SNTB2: variants seen among roughly 807,000 people sequenced by gnomAD.
The protein encoded by SNTB2 is syntrophin beta 2, also known as beta-2-syntrophin.
Under a neutral mutation model 46.2 loss-of-function variants are expected in SNTB2, and 34 were observed. That is an observed-to-expected ratio of 0.74 (90% CI 0.56 to 0.98). The LOEUF (loss-of-function observed/expected upper bound fraction) is 0.98, where lower values mean the gene tolerates loss of function less well. Among genes scored for constraint, SNTB2 ranks in the 50% least tolerant of loss-of-function variants. The pLI is 0.00. For synonymous variants in SNTB2, 290 were observed against 312.6 expected (o/e 0.93, Z 0.76); for missense variants, 603 against 731.4 (o/e 0.82, Z 2.02).
At chr16:69,218,294 ATTAAC>A (rs1389658814) in intron 1 of SNTB2, among the ~76,000 whole-genome samples, 2 of 152,212 alleles carry the variant, frequency 1.3e-5, no homozygotes, top group Non-Finnish European at 2.9e-5. Flanking sequence ...GCTCTATAGT[ATTAAC>A]TTAATATTAC....
intron 2 of SNTB2, among the ~76,000 whole-genome samples, chr16:69,247,757 A>T (rs1464434064): frequency 6.6e-6 from 1 of 152,192 alleles, no homozygotes; most frequent in African/African-American, 2.4e-5. Flanking sequence ...ATGAGATAGT[A>T]CCTATAAAGG....
chr16:69,245,905 T>C (rs1964666494), intron 2 of SNTB2, 90 bp downstream of exon 2: 2 of 1,303,184 alleles, frequency 1.5e-6, no homozygotes, highest in South Asian at 2.5e-5. Flanking sequence ...AACTCAGTTA[T>C]ACAGAGGAAA....
At chr16:69,229,102 G>A (rs1018071331) in intron 1 of SNTB2, among the ~76,000 whole-genome samples, 7 of 152,104 alleles carry the variant, frequency 4.6e-5, no homozygotes, top group Admixed American at 2.6e-4. Flanking sequence ...CTCCCCCGAC[G>A]TTGTATTGTT....
At chr16:69,267,705 G>A (rs974104248) in intron 3 of SNTB2, among the ~76,000 whole-genome samples, 3 of 152,198 alleles carry the variant, frequency 2.0e-5, no homozygotes, top group South Asian at 2.1e-4. Context: ...GATCTAGCTC[G>A]TGGCCTTGGC....
Position 69,301,027 on chromosome 16 carries a change from G to C in SNTB2, c.*103G>C. The C allele has an allele frequency of 1.4e-6, 1 of 697,656 alleles. No homozygotes were observed. The highest frequency in any genetic ancestry group is 2.5e-6 in the Non-Finnish European group (1 of 402,890). 43.2% of individuals were successfully genotyped at this position (697,656 alleles called of 1,614,324 possible). On this transcript the variant is annotated 3_prime_UTR_variant, in exon 7 of 7. Coordinates refer to ENST00000336278, the MANE Select transcript of SNTB2 (RefSeq NM_006750.4). ...ACTCTTTGCTCTCCTTCAGCACAGT[G>C]CCTTCCCAAGGACCTGCAAATAACT...
chr16:69,251,932 A>G (rs1282523025), intron 2 of SNTB2, among the ~76,000 whole-genome samples: 2 of 152,232 alleles, frequency 1.3e-5, no homozygotes, highest in Admixed American at 1.3e-4. Flanking sequence ...CTAAAAATAA[A>G]ACAATAAAAT....
At chr16:69,234,077 A>G (rs1389144528) in intron 1 of SNTB2, among the ~76,000 whole-genome samples, 1 of 152,170 alleles carries the variant, frequency 6.6e-6, no homozygotes. Context: ...TGCGCCTATA[A>G]TCCCAGCACT....
In SNTB2 at chr16:69,306,257, GTC is replaced by G. The variant is rs905750449; in HGVS notation, c.*5339_*5340del. On this transcript the variant is annotated 3_prime_UTR_variant, in exon 7 of 7. Coordinates refer to ENST00000336278, the MANE Select transcript of SNTB2 (RefSeq NM_006750.4). ...TTTGGTTTTGGTTTTGTTTTTTTTT[GTC>G]TCTCTGACTAGCTAAACTGCCAACT... The G allele has an allele frequency of 4.0e-5, 6 of 150,794 alleles. No homozygotes were observed. Among genetic ancestry groups the G allele is most frequent in the Non-Finnish European group, 5.9e-5 (4 of 67,738 alleles). 9.3% of individuals were successfully genotyped at this position (150,794 alleles called of 1,614,324 possible). A position where few individuals can be genotyped will look rare whatever the true frequency, so the allele number is the denominator to read the frequency against.
chr16:69,195,925 C>A (rs1376046777), intron 1 of SNTB2, among the ~76,000 whole-genome samples: 1 of 152,124 alleles, frequency 6.6e-6, no homozygotes, highest in African/African-American at 2.4e-5. Context: ...AACTTATGTA[C>A]ACTATAACAG....
intron 1 of SNTB2, among the ~76,000 whole-genome samples, chr16:69,202,732 C>T (rs371541750): frequency 2.6e-4 from 40 of 152,224 alleles, no homozygotes; most frequent in African/African-American, 9.4e-4. Flanking sequence ...TGTGCCACCA[C>T]GCCTGGCTAA....
intron 1 of SNTB2, among the ~76,000 whole-genome samples, chr16:69,201,461 G>A (rs751485311): frequency 2.0e-5 from 3 of 152,116 alleles, no homozygotes; most frequent in Non-Finnish European, 2.9e-5. Context: ...TTAGGGAGGC[G>A]GGGACATAAA....
intron 1 of SNTB2, among the ~76,000 whole-genome samples, chr16:69,197,812 C>CA (rs1392684115): frequency 6.6e-6 from 1 of 152,090 alleles, no homozygotes; most frequent in Non-Finnish European, 1.5e-5. Flanking sequence ...GTTTTCATTG[C>CA]AGTAAGGGAT....
Position 69,260,100 on chromosome 16 carries a change from G to A in SNTB2, c.845G>A (p.Cys282Tyr), listed in dbSNP as rs146659689. 8.1e-6 allele frequency: 13 copies of A among 1,613,716 alleles called. No individual in the cohort carries two copies. The highest frequency in any genetic ancestry group is 1.1e-5 in the Non-Finnish European group (13 of 1,179,982). Residue 282 changes from cysteine to tyrosine, a missense_variant, in exon 3 of 7, where the codon TGC (cysteine) becomes TAC (tyrosine). By Grantham distance (194) the Cys-to-Tyr change is radical (BLOSUM62 -2). This residue lies in a region of SNTB2 where 537 missense variants were observed against 692.4 expected (regional missense o/e 0.78). Coordinates refer to ENST00000336278, the MANE Select transcript of SNTB2 (RefSeq NM_006750.4). ...PDSRNTLILR[C>Y]KDTATAHSWF... is the part of the protein sequence containing the mutation. ...AGCAGGAACACGTTGATCCTACGCTGCAAAGATACAGCCACAGCACACTCC... is the reference window on the plus strand; with the variant it reads ...AGCAGGAACACGTTGATCCTACGCTACAAAGATACAGCCACAGCACACTCC...
intron 1 of SNTB2, among the ~76,000 whole-genome samples, chr16:69,208,881 T>C (rs1306085101): frequency 6.6e-6 from 1 of 151,956 alleles, no homozygotes; most frequent in Non-Finnish European, 1.5e-5. Flanking sequence ...GAAATATACA[T>C]ATTTCCTTCT....
At position 69,187,201 on chromosome 16, in the gene SNTB2, CG is replaced by C; in HGVS notation, c.39del (p.Pro14ArgfsTer19). The stretch of plus-strand genomic sequence containing the variant: ...GCTGCGGCGACTGCGGCGGCTGGAG[CG>C]GGGCCGGCCATGGCGGTGTGGACGC... ...RVAAATAAAG[A>X]GPAMAVWTRA... On this transcript the variant is annotated frameshift_variant, in exon 1 of 7. Coordinates refer to ENST00000336278, the MANE Select transcript of SNTB2 (RefSeq NM_006750.4). LOFTEE classifies it high-confidence loss of function. 2 of 1,396,938 alleles carry C rather than the reference CG, an allele frequency of 1.4e-6. No individual in the cohort carries two copies. Among genetic ancestry groups the C allele is most frequent in the Non-Finnish European group, 9.3e-7 (1 of 1,074,136 alleles). 86.5% of individuals were successfully genotyped at this position (1,396,938 alleles called of 1,614,324 possible). A position where few individuals can be genotyped will look rare whatever the true frequency, so the allele number is the denominator to read the frequency against.
intron 1 of SNTB2, among the ~76,000 whole-genome samples, chr16:69,219,098 T>G (rs764870302): frequency 2.0e-5 from 3 of 152,122 alleles, no homozygotes; most frequent in Non-Finnish European, 4.4e-5. Flanking sequence ...AGAGGAGGAT[T>G]GGGAGTGGGT....
chr16:69,250,748 C>T (rs1433303581), intron 2 of SNTB2, among the ~76,000 whole-genome samples: 2 of 151,888 alleles, frequency 1.3e-5, no homozygotes, highest in East Asian at 3.9e-4. Context: ...TGGTGGCACA[C>T]ACCTGTAATC....
In SNTB2 at chr16:69,261,246, G is replaced by GA. The variant is rs1428470278; in HGVS notation, c.1005+987dup. On this transcript the variant is annotated intron_variant, in intron 3 of 6. Coordinates refer to ENST00000336278, the MANE Select transcript of SNTB2 (RefSeq NM_006750.4). ...GGAAGGATTTTGTTCTTTCATTTTTGATTTTTTTTTTTCAAGTACAGTTTC... is the reference window on the plus strand; with the variant it reads ...GGAAGGATTTTGTTCTTTCATTTTTGAATTTTTTTTTTTCAAGTACAGTTTC... Among the ~76,000 whole-genome samples, 4 of 150,974 alleles carry GA rather than the reference G, an allele frequency of 2.6e-5. No homozygotes were observed. The East Asian group carries it at 7.8e-4, about 29-fold the overall frequency.
chr16:69,298,464 G>T (rs573013443), intron 5 of SNTB2, among the ~76,000 whole-genome samples: 2 of 144,974 alleles, frequency 1.4e-5, no homozygotes, highest in African/African-American at 5.1e-5. Context: ...TTCTTGCCCA[G>T]TTCAGTCCTT....
Sources: gnomAD v4.1 joint callset for allele counts (sites outside exome capture counted in the v4.1 genomes callset) on GRCh38, gnomAD v4.1.1 for gene constraint, gnomAD v4.1.1 regional missense constraint, MANE v1.5 for transcripts, NCBI Gene and HGNC (gene_info 2026-07-23, HGNC 2026-07-21) for gene names.